The following SEMA6D variants were observed in gnomAD, a reference collection of about 807,000 sequenced individuals.
SEMA6D encodes the protein semaphorin-6D.
A neutral mutation model predicts 106.6 loss-of-function variants in SEMA6D; 35 were observed. The observed-to-expected ratio is 0.33, with a 90% CI of 0.25 to 0.44. The LOEUF is 0.44. SEMA6D is among the 20% of genes least tolerant of loss of function. The pLI is 1.00. For missense variants in SEMA6D, 1,185 were observed against 1,345.9 expected (o/e 0.88, Z 1.87); for synonymous variants, 499 against 487.7 (o/e 1.02, Z -0.31).
At chr15:47,646,117 C>G (rs2077578112) in intron 4 of SEMA6D, among the ~76,000 whole-genome samples, 1 of 152,080 alleles carries the variant, frequency 6.6e-6, no homozygotes, top group Admixed American at 6.5e-5. Flanking sequence ...AGTCTTCTAT[C>G]CTCCCCAGAG....
chr15:47,315,145 C>T (rs1197104392), intron 1 of SEMA6D, among the ~76,000 whole-genome samples: 2 of 152,056 alleles, frequency 1.3e-5, no homozygotes, highest in Non-Finnish European at 2.9e-5. Context: ...GGATTACAAG[C>T]GTGAGCCACC....
intron 3 of SEMA6D, among the ~76,000 whole-genome samples, chr15:47,580,105 C>T (rs1163186396): frequency 2.6e-5 from 4 of 152,288 alleles, no homozygotes; most frequent in South Asian, 2.1e-4. Flanking sequence ...TTCAAAGCTA[C>T]TTCTAATTCT....
intron 2 of SEMA6D, among the ~76,000 whole-genome samples, chr15:47,449,779 C>G (rs920114801): frequency 2.0e-5 from 3 of 152,004 alleles, no homozygotes; most frequent in African/African-American, 7.2e-5. Context: ...ACGTATAATG[C>G]AATAGAGCAC....
At chr15:47,225,454 C>A (rs182483299) in intron 1 of SEMA6D, among the ~76,000 whole-genome samples, 2 of 140,966 alleles carry the variant, frequency 1.4e-5, no homozygotes, top group East Asian at 4.0e-4. Flanking sequence ...ATATATCATT[C>A]TTGGTGAGGT....
intron 4 of SEMA6D, among the ~76,000 whole-genome samples, chr15:47,710,908 G>T (rs2079004085): frequency 6.6e-6 from 1 of 152,152 alleles, no homozygotes; most frequent in African/African-American, 2.4e-5. Context: ...GCTTCTAGAA[G>T]ACAGCCACCA....
intron 1 of SEMA6D, among the ~76,000 whole-genome samples, chr15:47,335,971 TA>T (rs2037538199): frequency 6.6e-6 from 1 of 152,056 alleles, no homozygotes. Context: ...TGGAGAAACT[TA>T]AAAAGTCAGA....
chr15:47,515,933 G>A (rs1033437761), intron 3 of SEMA6D, among the ~76,000 whole-genome samples: 1 of 152,130 alleles, frequency 6.6e-6, no homozygotes, highest in Non-Finnish European at 1.5e-5. Context: ...TTCTCCCAAT[G>A]CTTTTTCACA....
At chr15:47,535,142 A>C (rs2045117502) in intron 3 of SEMA6D, among the ~76,000 whole-genome samples, 1 of 152,030 alleles carries the variant, frequency 6.6e-6, no homozygotes. Context: ...ATGAGATGAC[A>C]GGAAAAGACC....
chr15:47,297,651 G>C (rs996169287), intron 1 of SEMA6D, among the ~76,000 whole-genome samples: 3 of 152,034 alleles, frequency 2.0e-5, no homozygotes, highest in African/African-American at 7.3e-5. Context: ...AATAACTACG[G>C]TTATTACAAA....
At chr15:47,735,196 C>G (rs1171378930) in intron 1 of SEMA6D, among the ~76,000 whole-genome samples, 1 of 152,184 alleles carries the variant, frequency 6.6e-6, no homozygotes, top group Non-Finnish European at 1.5e-5. Flanking sequence ...GGCATGGGCA[C>G]TAACCAATCA....
intron 4 of SEMA6D, among the ~76,000 whole-genome samples, chr15:47,664,872 G>A (rs2077994532): frequency 6.6e-6 from 1 of 152,154 alleles, no homozygotes; most frequent in Non-Finnish European, 1.5e-5. Context: ...CATTAATGAG[G>A]CAGGTAGGCA....
At chr15:47,215,440 GT>G (rs1229480590) in intron 1 of SEMA6D, among the ~76,000 whole-genome samples, 6 of 152,030 alleles carry the variant, frequency 3.9e-5, no homozygotes, top group Non-Finnish European at 5.9e-5. Flanking sequence ...TAATGTATGT[GT>G]TTTAAATGAG....
chr15:47,526,737 ATTATTT>A (rs1263156928), intron 3 of SEMA6D, among the ~76,000 whole-genome samples: 1 of 151,488 alleles, frequency 6.6e-6, no homozygotes, highest in East Asian at 1.9e-4. Flanking sequence ...AATAATTATT[ATTATTT>A]TTTTTTTTTC....
intron 1 of SEMA6D, among the ~76,000 whole-genome samples, chr15:47,295,138 TATCTGCAGCAC>T (rs1487022933): frequency 6.6e-6 from 1 of 152,226 alleles, no homozygotes; most frequent in Non-Finnish European, 1.5e-5. Flanking sequence ...CTGTGTTTAT[TATCTGCAGCAC>T]ATTTGTCAGC....
At chr15:47,288,347 G>T (rs1041027163) in intron 1 of SEMA6D, among the ~76,000 whole-genome samples, 2 of 152,192 alleles carry the variant, frequency 1.3e-5, no homozygotes, top group Non-Finnish European at 2.9e-5. Flanking sequence ...GAGGGGAAAG[G>T]TGACTAACTG....
At chr15:47,538,637 A>G (rs1472923066) in intron 3 of SEMA6D, among the ~76,000 whole-genome samples, 1 of 152,248 alleles carries the variant, frequency 6.6e-6, no homozygotes, top group Non-Finnish European at 1.5e-5. Context: ...ATATTATAGT[A>G]CATGACAGAG....
intron 4 of SEMA6D, among the ~76,000 whole-genome samples, chr15:47,674,536 T>C (rs1174131348): frequency 6.6e-6 from 1 of 152,242 alleles, no homozygotes; most frequent in African/African-American, 2.4e-5. Context: ...CCTCCTTTAG[T>C]GACATTCTGA....
At chr15:47,507,339 A>ACCACCCC (rs2044077104) in intron 3 of SEMA6D, among the ~76,000 whole-genome samples, 1 of 118,412 alleles carries the variant, frequency 8.4e-6, no homozygotes. Context: ...CAAGTGGGAC[A>ACCACCCC]CCCCCCCCCA....
At chr15:47,192,051 A>T (rs1256892733) in intron 1 of SEMA6D, among the ~76,000 whole-genome samples, 1 of 152,186 alleles carries the variant, frequency 6.6e-6, no homozygotes, top group African/African-American at 2.4e-5. Flanking sequence ...GGAAATACAC[A>T]ACCATGGTGT....
Sources: gnomAD v4.1 joint callset for allele counts (sites outside exome capture counted in the v4.1 genomes callset) on GRCh38, gnomAD v4.1.1 for gene constraint, MANE v1.5 for transcripts, NCBI Gene and HGNC (gene_info 2026-07-23, HGNC 2026-07-21) for gene names.